CLINT1: variants seen among roughly 807,000 people sequenced by gnomAD.
The protein encoded by CLINT1 is clathrin interacting protein localized in the trans-Golgi region.
A neutral mutation model predicts 70.4 loss-of-function variants in CLINT1; 15 were observed. The ratio of observed to expected loss-of-function variants is 0.21; its 90% CI spans 0.14 to 0.33. The LOEUF (loss-of-function observed/expected upper bound fraction) is 0.33. Ranked by LOEUF, CLINT1 falls within the 10% of genes least tolerant of loss-of-function variation. The pLI, the probability that CLINT1 is intolerant of heterozygous loss-of-function variation, is 1.00. For missense variants in CLINT1, 615 were observed against 778.1 expected, an observed-to-expected ratio of 0.79 and a Z score of 2.49; for synonymous variants, 227 against 254.7, an observed-to-expected ratio of 0.89 and a Z score of 1.04.
At chr5:157,844,668 A>G (rs1338349332) in intron 1 of CLINT1, among the ~76,000 whole-genome samples, 2 of 152,234 alleles carry the variant, frequency 1.3e-5, no homozygotes, top group Non-Finnish European at 2.9e-5. Context: ...CACACTGAAC[A>G]TAAGAAAAAT....
intron 10 of CLINT1, among the ~76,000 whole-genome samples, chr5:157,791,183 C>T (rs1761892150): frequency 6.6e-6 from 1 of 152,104 alleles, no homozygotes; most frequent in Admixed American, 6.5e-5. Context: ...CTCAGCCTCC[C>T]AAGTAGCAGG....
chr5:157,858,278 AAC>A (rs1753818744), intron 1 of CLINT1, among the ~76,000 whole-genome samples: 1 of 152,202 alleles, frequency 6.6e-6, no homozygotes, highest in Non-Finnish European at 1.5e-5. Flanking sequence ...TGGAAAAAGA[AAC>A]AGAAGAAAAA....
intron 3 of CLINT1, among the ~76,000 whole-genome samples, chr5:157,814,767 A>G (rs1364740800): frequency 6.6e-6 from 1 of 152,164 alleles, no homozygotes; most frequent in Admixed American, 6.5e-5. Context: ...TCAGCGGCTC[A>G]TGCCTGTAAC....
At chr5:157,843,606 A>G (rs555004876) in intron 1 of CLINT1, among the ~76,000 whole-genome samples, 1 of 152,312 alleles carries the variant, frequency 6.6e-6, no homozygotes, top group South Asian at 2.1e-4. Flanking sequence ...CTCACTCTTC[A>G]TTTAAAACTA....
Position 157,787,845 on chromosome 5 carries a change from G to T in CLINT1, c.1679C>A (p.Thr560Asn), listed in dbSNP as rs760654973. The part of the protein sequence containing the change: ...PMSMPNVMTG[T>N]MGMAPLGNTP... ...ATTTCCAAGAGGGGCCATTCCCATG[G>T]TGCCAGTCATCACATTGGGCATGCT... The change falls in exon 12 of 12, where the codon ACC becomes AAC. Residue 560 changes from threonine (T) to asparagine (N), a missense_variant. By Grantham distance (65) the Thr-to-Asn change is moderately conservative (BLOSUM62 0). This residue lies in a region of CLINT1 where 374 missense variants were observed against 409.6 expected (regional missense o/e 0.91). Coordinates refer to ENST00000411809, the MANE Select transcript of CLINT1 (RefSeq NM_014666.4). 6.2e-7 allele frequency: 1 copy of T among 1,613,774 alleles called. No homozygotes were observed. The highest frequency in any genetic ancestry group is 8.5e-7 in the Non-Finnish European group (1 of 1,179,866).
intron 6 of CLINT1, 128 bp downstream of exon 6, chr5:157,809,497 TAAA>T (rs60217753): frequency 5.1e-4 from 255 of 500,486 alleles, no homozygotes; most frequent in South Asian, 9.9e-4. Context: ...TGAAGTCTAT[TAAA>T]AAAAAAAAAA....
rs1762022187 is a variant in CLINT1, at chr5:157,794,923, A to G, written c.1062T>C (p.Ala354=). The change falls in exon 9 of 12, where the codon GCT becomes GCC. Residue 354 remains alanine (A), a synonymous_variant. Coordinates refer to ENST00000411809, the MANE Select transcript of CLINT1 (RefSeq NM_014666.4). Reference sequence around the variant, plus strand: ...CTTGGGAAGGGAAACTGCCTGATGCAGCAGCTGAGCCAAAGTCAGCAAATC... The same window carrying G: ...CTTGGGAAGGGAAACTGCCTGATGCGGCAGCTGAGCCAAAGTCAGCAAATC... ...FGGFADFGSA[A]ASGSFPSQVT... 6.4e-7 allele frequency: 1 copy of G among 1,558,768 alleles called. No homozygotes were observed. The highest frequency in any genetic ancestry group is 8.7e-7 in the Non-Finnish European group (1 of 1,150,666).
intron 1 of CLINT1, among the ~76,000 whole-genome samples, chr5:157,855,866 T>C (rs531841673): frequency 5.2e-4 from 79 of 151,594 alleles, no homozygotes; most frequent in Non-Finnish European, 9.6e-4. Context: ...ACCCCAGAAG[T>C]GTAAGCTGCA....
chr5:157,812,549 C>T (rs970835644), intron 5 of CLINT1, among the ~76,000 whole-genome samples: 1 of 152,100 alleles, frequency 6.6e-6, no homozygotes, highest in African/African-American at 2.4e-5. Flanking sequence ...TGAAAAACTG[C>T]GAGTATCGTC....
chr5:157,837,823 T>C (rs1258826390), intron 1 of CLINT1, among the ~76,000 whole-genome samples: 1 of 151,944 alleles, frequency 6.6e-6, no homozygotes, highest in Non-Finnish European at 1.5e-5. Flanking sequence ...TTTGTGTTTT[T>C]AGTAGAGACG....
At chr5:157,829,919 A>G (rs1763170031) in intron 1 of CLINT1, among the ~76,000 whole-genome samples, 1 of 151,720 alleles carries the variant, frequency 6.6e-6, no homozygotes, top group Non-Finnish European at 1.5e-5. Context: ...CAAGAAACTC[A>G]TTTTGGTATA....
intron 1 of CLINT1, among the ~76,000 whole-genome samples, chr5:157,823,425 T>C (rs142332438): frequency 2.0e-5 from 3 of 152,342 alleles, no homozygotes; most frequent in Non-Finnish European, 4.4e-5. Flanking sequence ...ACATGAATAT[T>C]ATCTGTACTT....
At chr5:157,815,457 A>G (rs924441) in intron 3 of CLINT1, among the ~76,000 whole-genome samples, 84,570 of 152,024 alleles carry the variant, frequency 0.56, 23,978 homozygotes, top group East Asian at 0.79. Context: ...TGAATATACT[A>G]TATAATAAAT....
chr5:157,843,342 TA>T (rs1287565438), intron 1 of CLINT1, among the ~76,000 whole-genome samples: 3 of 152,170 alleles, frequency 2.0e-5, no homozygotes, highest in African/African-American at 7.2e-5. Context: ...GTAAATAATT[TA>T]CAAACAACAA....
chr5:157,832,862 C>G (rs937818742), intron 1 of CLINT1, among the ~76,000 whole-genome samples: 1 of 152,154 alleles, frequency 6.6e-6, no homozygotes, highest in Non-Finnish European at 1.5e-5. Flanking sequence ...CCTACCCACA[C>G]CAATACTACC....
intron 1 of CLINT1, among the ~76,000 whole-genome samples, chr5:157,831,436 C>G (rs983056128): frequency 1.3e-5 from 2 of 152,106 alleles, no homozygotes; most frequent in Non-Finnish European, 2.9e-5. Context: ...AGGGATCTGG[C>G]CTTGGCCTCC....
chr5:157,858,880 T>TCCCCCCCCCCCCC, intron 1 of CLINT1, 50 bp downstream of exon 1: 1 of 216,822 alleles, frequency 4.6e-6, no homozygotes, highest in South Asian at 3.2e-5. Context: ...CTTCTCCCCC[T>TCCCCCCCCCCCCC]CCCCCCTCCC....
chr5:157,837,351 GA>G (rs1763457288), intron 1 of CLINT1, among the ~76,000 whole-genome samples: 1 of 152,044 alleles, frequency 6.6e-6, no homozygotes, highest in African/African-American at 2.4e-5. Flanking sequence ...CTACAGCGTG[GA>G]TGGCAGAGTG....
At chr5:157,819,420 C>T (rs558249971) in intron 1 of CLINT1, among the ~76,000 whole-genome samples, 1 of 152,162 alleles carries the variant, frequency 6.6e-6, no homozygotes, top group African/African-American at 2.4e-5. Flanking sequence ...GCCCACCCCC[C>T]CTTAAAAATG....
Sources: allele counts gnomAD v4.1 joint callset (sites outside exome capture counted in the v4.1 genomes callset), GRCh38; gene constraint gnomAD v4.1.1; regional missense constraint gnomAD v4.1.1; transcripts MANE v1.5; gene names NCBI Gene and HGNC (gene_info 2026-07-23, HGNC 2026-07-21).